Variants in ARHGAP28 observed in about 807,000 individuals in gnomAD.
The protein encoded by ARHGAP28 is Rho GTPase activating protein 28, also known as rho GTPase-activating protein 28.
A neutral mutation model predicts 90.7 loss-of-function variants in ARHGAP28; 56 were observed. That is an observed-to-expected ratio of 0.62 (90% CI 0.50 to 0.77). The LOEUF (loss-of-function observed/expected upper bound fraction) is 0.77. ARHGAP28 is among the 30% of genes least tolerant of loss of function. ARHGAP28 has a pLI of 0.00. For missense variants in ARHGAP28, 869 were observed against 900.9 expected (o/e 0.96, Z 0.45); for synonymous variants, 308 against 323.3 (o/e 0.95, Z 0.51).
chr18:6,901,438 C>G (rs1286135665), intron 16 of ARHGAP28, among the ~76,000 whole-genome samples: 1 of 151,360 alleles, frequency 6.6e-6, no homozygotes, highest in Non-Finnish European at 1.5e-5. Flanking sequence ...AGCAACTGTA[C>G]AGCCAAGAAA....
intron 16 of ARHGAP28, among the ~76,000 whole-genome samples, chr18:6,901,465 T>A (rs1437901236): frequency 2.7e-5 from 4 of 150,438 alleles, no homozygotes; most frequent in Admixed American, 2.0e-4. Context: ...CTCAGTTAGG[T>A]GATCGGGTTA....
intron 2 of ARHGAP28, 43 bp from the exon 3 acceptor site, chr18:6,837,154 A>T: frequency 7.0e-7 from 1 of 1,428,466 alleles, no homozygotes; most frequent in South Asian, 1.2e-5. Context: ...ATCCAATCAT[A>T]CAGAAAATAT....
chr18:6,730,216 C>CAT, intron 1 of ARHGAP28: 1 of 105,252 alleles, frequency 9.5e-6, no homozygotes, highest in Non-Finnish European at 1.6e-5. Flanking sequence ...GAGGATAAGT[C>CAT]ATGTGTATAT....
At chr18:6,800,437 A>C (rs925812061) in intron 1 of ARHGAP28, among the ~76,000 whole-genome samples, 5 of 152,194 alleles carry the variant, frequency 3.3e-5, no homozygotes, top group African/African-American at 1.2e-4. Context: ...CTGTTCACAA[A>C]AGCAAAGACT....
intron 1 of ARHGAP28, 194 bp downstream of exon 1, chr18:6,730,137 C>T (rs2055864172): frequency 2.1e-6 from 1 of 487,246 alleles, no homozygotes; most frequent in South Asian, 8.3e-5. Flanking sequence ...GAAGGCTCCA[C>T]CAGCCTGGGC....
At chr18:6,868,675 C>T (rs1322873004) in intron 6 of ARHGAP28, among the ~76,000 whole-genome samples, 1 of 151,962 alleles carries the variant, frequency 6.6e-6, no homozygotes, top group African/African-American at 2.4e-5. Context: ...GGTGGGCTCC[C>T]TAGATGGGCT....
Position 6,827,568 on chromosome 18 carries a change from G to A in ARHGAP28, c.325+2604G>A, listed in dbSNP as rs1473720645. On this transcript the variant is annotated intron_variant, in intron 2 of 17. Transcript: ENST00000383472. ...TGACCCCCCCACCTCCCTCCCGGAC[G>A]GGGCGACTGGCTGGGTGGGGGGCTG... Among the ~76,000 whole-genome samples the A allele has an allele frequency of 6.2e-5, 9 of 144,368 alleles. No individual in the cohort carries two copies. The East Asian group carries it at 1.5e-3, about 24-fold the overall frequency. 94.7% of individuals were successfully genotyped at this position (144,368 alleles called of 152,430 possible).
chr18:6,906,052 T>C (rs2057363114), intron 16 of ARHGAP28, among the ~76,000 whole-genome samples: 1 of 152,058 alleles, frequency 6.6e-6, no homozygotes, highest in African/African-American at 2.4e-5. Context: ...TACAAATATA[T>C]ATGGAAAAGC....
intron 1 of ARHGAP28, among the ~76,000 whole-genome samples, chr18:6,786,159 T>C (rs2056363209): frequency 6.6e-6 from 1 of 152,218 alleles, no homozygotes. Context: ...GTGACCAGCG[T>C]AGTGATTTCC....
chr18:6,891,678 C>G (rs1204498118), intron 14 of ARHGAP28, among the ~76,000 whole-genome samples: 1 of 152,088 alleles, frequency 6.6e-6, no homozygotes, highest in Non-Finnish European at 1.5e-5. Flanking sequence ...ACCTCGAACT[C>G]CTGGGCTCAA....
intron 16 of ARHGAP28, chr18:6,898,335 T>G (rs949349097): frequency 3.4e-6 from 2 of 589,140 alleles, no homozygotes; most frequent in Non-Finnish European, 5.8e-6. Context: ...GTGTTCACTT[T>G]GTGAAAATTC....
intron 3 of ARHGAP28, among the ~76,000 whole-genome samples, chr18:6,841,195 C>CACTG (rs2056818897): frequency 1.6e-5 from 1 of 63,360 alleles, no homozygotes; most frequent in African/African-American, 8.8e-5. Context: ...CTCTCTCTCT[C>CACTG]TCTCTCTCCT....
chr18:6,837,423 T>C lies in ARHGAP28; in HGVS notation c.543+9T>C. 7.2e-7 allele frequency: 1 copy of C among 1,392,140 alleles called. No individual in the cohort carries two copies. The highest frequency in any genetic ancestry group is 9.7e-7 in the Non-Finnish European group (1 of 1,033,366). The allele number at this position is 1,392,140 out of a possible 1,614,324, so 86.2% of individuals were successfully genotyped here. ...GAGTCAGTGAATCTCCTGTAAGTAA[T>C]GGCTCAAACATGGCTCAAAAGGCGC... On this transcript the variant is annotated intron_variant, in intron 3 of 17. Transcript: ENST00000383472.
At chr18:6,749,548 T>A (rs1438453832) in intron 1 of ARHGAP28, among the ~76,000 whole-genome samples, 1 of 152,214 alleles carries the variant, frequency 6.6e-6, no homozygotes, top group African/African-American at 2.4e-5. Context: ...TCTATACCAT[T>A]TTTTTAAATG....
At chr18:6,772,988 G>A (rs188089476) in intron 1 of ARHGAP28, among the ~76,000 whole-genome samples, 376 of 152,182 alleles carry the variant, frequency 2.5e-3, no homozygotes, top group Non-Finnish European at 4.4e-3. Context: ...TGATCCACCC[G>A]CCTCAGCCTC....
intron 5 of ARHGAP28, 120 bp downstream of exon 5, chr18:6,860,017 T>A: frequency 1.2e-6 from 1 of 860,406 alleles, no homozygotes; most frequent in Non-Finnish European, 1.8e-6. Flanking sequence ...GAGCTAAGAT[T>A]GCAAGGAAAC....
intron 5 of ARHGAP28, among the ~76,000 whole-genome samples, chr18:6,864,439 G>A (rs1272250780): frequency 6.6e-6 from 1 of 152,122 alleles, no homozygotes; most frequent in Non-Finnish European, 1.5e-5. Context: ...TTGGTAATGT[G>A]TATTTGCTTT....
At chr18:6,890,585 A>G (rs1600292418) in intron 14 of ARHGAP28, 42 bp downstream of exon 14, 1 of 1,305,012 alleles carries the variant, frequency 7.7e-7, no homozygotes, top group Non-Finnish European at 1.1e-6. Flanking sequence ...CACTGCCTAG[A>G]TTTGTACTCC....
intron 1 of ARHGAP28, among the ~76,000 whole-genome samples, chr18:6,736,943 T>C (rs2055934228): frequency 6.6e-6 from 1 of 152,186 alleles, no homozygotes; most frequent in Non-Finnish European, 1.5e-5. Context: ...TCTGCAAATG[T>C]ATTTTAACTA....
Sources: allele counts gnomAD v4.1 joint callset (sites outside exome capture counted in the v4.1 genomes callset), GRCh38; gene constraint gnomAD v4.1.1; transcripts MANE v1.5; gene names NCBI Gene and HGNC (gene_info 2026-07-23, HGNC 2026-07-21).